The following TXNL1 variants were observed in gnomAD, a reference collection of about 807,000 sequenced individuals.
TXNL1 encodes thioredoxin-like protein 1.
A neutral mutation model predicts 35.5 loss-of-function variants in TXNL1; 14 were observed. The observed-to-expected ratio is 0.39, with a 90% CI of 0.26 to 0.62. The LOEUF is 0.62. Among genes scored for constraint, TXNL1 ranks in the 20% least tolerant of loss-of-function variants. The pLI is 0.47. For synonymous variants in TXNL1, 110 were observed against 115.5 expected (o/e 0.95, Z 0.31); for missense variants, 263 against 349.7 (o/e 0.75, Z 1.98).
At chr18:56,606,192 C>G (rs1355836285) in intron 7 of TXNL1, among the ~76,000 whole-genome samples, 1 of 152,142 alleles carries the variant, frequency 6.6e-6, no homozygotes, top group East Asian at 1.9e-4. Context: ...CTGGCTAACA[C>G]GGTGAAACCC....
chr18:56,630,938 T>A (rs1430845976), intron 1 of TXNL1, among the ~76,000 whole-genome samples: 1 of 152,114 alleles, frequency 6.6e-6, no homozygotes, highest in East Asian at 1.9e-4. Flanking sequence ...TTGAGTGCAG[T>A]GGCATAATCA....
intron 7 of TXNL1, among the ~76,000 whole-genome samples, chr18:56,605,454 A>G (rs2144276342): frequency 6.6e-6 from 1 of 152,322 alleles, no homozygotes; most frequent in South Asian, 2.1e-4. Context: ...AGAAAAGTCT[A>G]TTTTTATTAT....
chr18:56,619,491 TCACAC>T (rs2024145957), intron 3 of TXNL1, among the ~76,000 whole-genome samples: 1 of 124,958 alleles, frequency 8.0e-6, no homozygotes, highest in Non-Finnish European at 1.6e-5. Context: ...TGAGCCGAGA[TCACAC>T]CACTGCACTC....
chr18:56,606,921 A>G (rs2023906392), intron 7 of TXNL1, among the ~76,000 whole-genome samples: 1 of 152,194 alleles, frequency 6.6e-6, no homozygotes, highest in Non-Finnish European at 1.5e-5. Context: ...GACCATATCC[A>G]TGTCAACTTT....
intron 7 of TXNL1, among the ~76,000 whole-genome samples, chr18:56,603,725 A>G (rs1245471695): frequency 6.6e-6 from 1 of 152,192 alleles, no homozygotes; most frequent in African/African-American, 2.4e-5. Context: ...TCTACCAACA[A>G]ATCTAGAAAA....
chr18:56,616,686 T>G (rs2024092710), intron 4 of TXNL1, among the ~76,000 whole-genome samples: 1 of 152,222 alleles, frequency 6.6e-6, no homozygotes, highest in African/African-American at 2.4e-5. Context: ...GATGGTTTAT[T>G]TGTCAAGTAT....
chr18:56,612,588 G>T (rs1010155721), intron 6 of TXNL1, among the ~76,000 whole-genome samples: 6 of 151,956 alleles, frequency 3.9e-5, no homozygotes, highest in Non-Finnish European at 8.8e-5. Context: ...TACCTAGGCT[G>T]GTCCTGAACT....
In TXNL1 at chr18:56,602,973, T is replaced by C; in HGVS notation, c.*54A>G. On this transcript the variant is annotated 3_prime_UTR_variant, in exon 8 of 8. Transcript: ENST00000217515. The stretch of plus-strand genomic sequence containing the variant: ...CAGTCTCTGGCGAGAATCAAGCAAT[T>C]ATCCAGGAGCTGTAGATCTGATTGC... 3.2e-6 allele frequency: 5 copies of C among 1,576,994 alleles called. No homozygotes were observed. Among genetic ancestry groups the C allele is most frequent in the Non-Finnish European group, 4.4e-6 (5 of 1,146,988 alleles).
In TXNL1 at chr18:56,624,869, G is replaced by A. The variant is rs112295462; in HGVS notation, c.196-408C>T. On this transcript the variant is annotated intron_variant, in intron 2 of 7. Transcript: ENST00000217515. ...AGAAAAAAGTGCAGGTCTGAAAACC[G>A]GTAGCCAATCTGCCTGTTAAAAAGA... 5.9e-5 allele frequency among the ~76,000 whole-genome samples: 9 copies of A among 152,214 alleles called. No individual in the cohort carries two copies. The South Asian group carries it at 1.0e-3, about 18-fold the overall frequency.
intron 7 of TXNL1, chr18:56,609,524 A>C (rs2144285804): frequency 6.6e-6 from 1 of 152,346 alleles, no homozygotes; most frequent in East Asian, 1.9e-4. Context: ...AAAAATGAAA[A>C]TCAAATAGCA....
At chr18:56,626,516 G>C in intron 1 of TXNL1, 59 bp from the exon 2 acceptor site, 1 of 1,389,750 alleles carries the variant, frequency 7.2e-7, no homozygotes. Context: ...TAAAGCACTC[G>C]TCAATTAAAC....
chr18:56,622,429 T>C (rs1411700657), intron 3 of TXNL1, among the ~76,000 whole-genome samples: 1 of 152,158 alleles, frequency 6.6e-6, no homozygotes, highest in African/African-American at 2.4e-5. Context: ...CAATATTAAA[T>C]TTCTTGGGAG....
At chr18:56,606,164 C>G (rs1226923249) in intron 7 of TXNL1, among the ~76,000 whole-genome samples, 1 of 152,174 alleles carries the variant, frequency 6.6e-6, no homozygotes, top group Non-Finnish European at 1.5e-5. Flanking sequence ...TCAACGAGGT[C>G]AGGAGATCGA....
At chr18:56,607,525 C>G (rs972999867) in intron 7 of TXNL1, among the ~76,000 whole-genome samples, 1 of 152,038 alleles carries the variant, frequency 6.6e-6, no homozygotes, top group African/African-American at 2.4e-5. Flanking sequence ...TATATATGTA[C>G]AGATGCTCCT....
intron 5 of TXNL1, 26 bp from the exon 6 acceptor site, chr18:56,614,622 A>G (rs1307358141): frequency 6.3e-7 from 1 of 1,585,374 alleles, no homozygotes; most frequent in East Asian, 2.3e-5. Context: ...ATAAAATAAA[A>G]TGTTTAAAAA....
At chr18:56,620,362 T>G (rs1454311523) in intron 3 of TXNL1, among the ~76,000 whole-genome samples, 2 of 152,260 alleles carry the variant, frequency 1.3e-5, no homozygotes, top group East Asian at 3.8e-4. Context: ...TCTTTTTTGG[T>G]GCATACTTTG....
chr18:56,628,420 CAGAAACAATTAAATTCTT>C (rs1233724994), intron 1 of TXNL1, among the ~76,000 whole-genome samples: 4 of 152,066 alleles, frequency 2.6e-5, no homozygotes, highest in Non-Finnish European at 5.9e-5. Context: ...AGTCAAAAAT[CAGAAACAATTAAATTCTT>C]ATCAACAAAA....
intron 2 of TXNL1, among the ~76,000 whole-genome samples, chr18:56,624,868 C>T (rs772067801): frequency 7.2e-5 from 11 of 152,030 alleles, no homozygotes; most frequent in Non-Finnish European, 1.2e-4. Context: ...GTCTGAAAAC[C>T]GGTAGCCAAT....
chr18:56,602,577 A>G lies in TXNL1; in HGVS notation c.*450T>C, dbSNP rs1038371110. ...GTAATTTCCATAGCTCAGATATACAAATGTCCTTTAATAAAAATGCAGTAA... is the reference window on the plus strand; with the variant it reads ...GTAATTTCCATAGCTCAGATATACAGATGTCCTTTAATAAAAATGCAGTAA... On this transcript the variant is annotated 3_prime_UTR_variant, in exon 8 of 8. Coordinates refer to ENST00000217515, the MANE Select transcript of TXNL1 (RefSeq NM_004786.3). The G allele has an allele frequency of 6.1e-6, 1 of 163,542 alleles. No homozygotes were observed. The highest frequency in any genetic ancestry group is 1.3e-5 in the Non-Finnish European group (1 of 75,960). The allele number at this position is 163,542 out of a possible 1,614,324, so 10.1% of individuals were successfully genotyped here. A position where few individuals can be genotyped will look rare whatever the true frequency, so the allele number is the denominator to read the frequency against.
Sources: allele counts gnomAD v4.1 joint callset (sites outside exome capture counted in the v4.1 genomes callset), GRCh38; gene constraint gnomAD v4.1.1; transcripts MANE v1.5; gene names NCBI Gene and HGNC (gene_info 2026-07-23, HGNC 2026-07-21).